Variants in ERICH5 observed in about 807,000 individuals in gnomAD.
The protein encoded by ERICH5 is glutamate rich 5, also known as glutamate-rich protein 5.
Under a neutral mutation model 28.0 loss-of-function variants are expected in ERICH5, and 24 were observed. That is an observed-to-expected ratio of 0.86 (90% CI 0.62 to 1.21). The LOEUF (loss-of-function observed/expected upper bound fraction) is 1.21. Among genes scored for constraint, ERICH5 ranks in the 50% most tolerant of loss-of-function variants. ERICH5 has a pLI of 0.00. For synonymous variants in ERICH5, 163 were observed against 157.6 expected, an observed-to-expected ratio of 1.03 and a Z score of -0.25; for missense variants, 421 against 441.2, an observed-to-expected ratio of 0.95 and a Z score of 0.41.
At chr8:98,088,887 T>A (rs59714888) in intron 1 of ERICH5, among the ~76,000 whole-genome samples, 189 bp from the exon 2 acceptor site, 3 of 152,002 alleles carry the variant, frequency 2.0e-5, no homozygotes, top group Non-Finnish European at 2.9e-5. Flanking sequence ...ATGTTTGAGC[T>A]GAAGACAATA....
At chr8:98,079,320 G>A (rs895959275) in intron 1 of ERICH5, among the ~76,000 whole-genome samples, 9 of 151,408 alleles carry the variant, frequency 5.9e-5, no homozygotes, top group South Asian at 2.1e-4. Flanking sequence ...ACAGGTGCAT[G>A]CCACCATGCC....
In ERICH5 at chr8:98,089,576, C is replaced by A. The variant is rs767828530; in HGVS notation, c.559C>A (p.Pro187Thr). 1.2e-6 allele frequency: 2 copies of A among 1,614,030 alleles called. No individual in the cohort carries two copies. Among genetic ancestry groups the A allele is most frequent in the African/African-American group, 1.3e-5 (1 of 74,920 alleles). Reference protein sequence around the residue: ...ENPQTAAEMKPLGTTENVLTL... With the variant: ...ENPQTAAEMKTLGTTENVLTL... Reference sequence around the variant, plus strand: ...TCCACAAACTGCTGCAGAGATGAAGCCTCTAGGAACAACTGAGAACGTTCT... The same window carrying A: ...TCCACAAACTGCTGCAGAGATGAAGACTCTAGGAACAACTGAGAACGTTCT... The change falls in exon 2 of 3, where the codon CCT becomes ACT. Residue 187 changes from proline (P) to threonine (T), a missense_variant. Physicochemically the swap from Pro to Thr is conservative, Grantham distance 38 (BLOSUM62 -1). Coordinates refer to ENST00000318528, the MANE Select transcript of ERICH5 (RefSeq NM_173549.3).
At chr8:98,065,930 A>G (rs1814812426) in intron 1 of ERICH5, among the ~76,000 whole-genome samples, 1 of 152,186 alleles carries the variant, frequency 6.6e-6, no homozygotes, top group African/African-American at 2.4e-5. Context: ...CTAGTCAGAA[A>G]TATGTTGTGT....
chr8:98,075,762 A>AGTG (rs1247634182), intron 1 of ERICH5, among the ~76,000 whole-genome samples: 5 of 134,180 alleles, frequency 3.7e-5, no homozygotes, highest in African/African-American at 8.6e-5. Context: ...CTAACTGCTA[A>AGTG]CTCCCATCTC....
At chr8:98,071,521 G>A (rs549717894) in intron 1 of ERICH5, among the ~76,000 whole-genome samples, 2 of 151,998 alleles carry the variant, frequency 1.3e-5, no homozygotes, top group Admixed American at 6.6e-5. Flanking sequence ...CTCTGTTGCC[G>A]AGGCTGGAGT....
chr8:98,074,162 G>T (rs1201495977), intron 1 of ERICH5, among the ~76,000 whole-genome samples: 1 of 151,796 alleles, frequency 6.6e-6, no homozygotes, highest in East Asian at 1.9e-4. Flanking sequence ...CTCCCAAAGT[G>T]CTGGGATTAT....
intron 2 of ERICH5, among the ~76,000 whole-genome samples, chr8:98,092,027 C>CCTTCCTTCCTTCCTTCCTTCCTTCCTTTT (rs1815419146): frequency 2.1e-5 from 3 of 145,114 alleles, no homozygotes; most frequent in Admixed American, 7.1e-5. Context: ...TCCTTCCTTT[C>CCTTCCTTCCTTCCTTCCTTCCTTCCTTTT]GAGACAAGAT....
At chr8:98,076,073 GGAGTC>G (rs1815047835) in intron 1 of ERICH5, among the ~76,000 whole-genome samples, 1 of 85,102 alleles carries the variant, frequency 1.2e-5, no homozygotes, top group East Asian at 3.7e-4. Context: ...TTTGTGAGAT[GGAGTC>G]TCTCTCTCTC....
chr8:98,093,530 C>G lies in ERICH5; in HGVS notation c.*197C>G, dbSNP rs73701241. Reference sequence around the variant, plus strand: ...TTCTGCAAAACTGCTAAGCCATGAACAGTTTTCTTAGCTACTTAGAATGGT... The same window carrying G: ...TTCTGCAAAACTGCTAAGCCATGAAGAGTTTTCTTAGCTACTTAGAATGGT... On this transcript the variant is annotated 3_prime_UTR_variant, in exon 3 of 3. Transcript: ENST00000318528. 2,869 of 417,658 alleles carry G rather than the reference C, an allele frequency of 6.9e-3. 71 individuals carry two copies. The highest frequency in any genetic ancestry group is 0.054 in the African/African-American group (2,649 of 49,148). 25.9% of individuals were successfully genotyped at this position (417,658 alleles called of 1,614,324 possible). A position where few individuals can be genotyped will look rare whatever the true frequency, so the allele number is the denominator to read the frequency against.
chr8:98,091,920 C>CTTTCTTT (rs1815408893), intron 2 of ERICH5, among the ~76,000 whole-genome samples: 10 of 26,754 alleles, frequency 3.7e-4, no homozygotes, highest in South Asian at 1.5e-3. Context: ...TTTCTTTCTT[C>CTTTCTTT]CTTTCTTTCT....
intron 1 of ERICH5, among the ~76,000 whole-genome samples, chr8:98,079,153 CTTTTTTTTTTTCCTTTTTTTT>C (rs1815120357): frequency 3.8e-5 from 5 of 132,406 alleles, no homozygotes; most frequent in Non-Finnish European, 3.1e-5. Context: ...ACATTTTCCT[CTTTTTTTTTTTCCTTTTTTTT>C]TTTTTTTTTT....
At chr8:98,085,790 T>G (rs535520566) in intron 1 of ERICH5, among the ~76,000 whole-genome samples, 1 of 152,310 alleles carries the variant, frequency 6.6e-6, no homozygotes, top group South Asian at 2.1e-4. Context: ...TCCTGAGTCC[T>G]CCAGGCTTCC....
chr8:98,080,143 C>T (rs1038292623), intron 1 of ERICH5, among the ~76,000 whole-genome samples: 3 of 152,312 alleles, frequency 2.0e-5, no homozygotes, highest in East Asian at 1.9e-4. Flanking sequence ...TACAGCTGTG[C>T]GCTGTGTCCC....
At chr8:98,075,661 A>G (rs148340771) in intron 1 of ERICH5, among the ~76,000 whole-genome samples, 2 of 151,326 alleles carry the variant, frequency 1.3e-5, no homozygotes, top group East Asian at 3.9e-4. Context: ...TTCAGGGTGC[A>G]CAGAGCCCCC....
At chr8:98,074,831 T>C (rs1361366406) in intron 1 of ERICH5, among the ~76,000 whole-genome samples, 1 of 152,254 alleles carries the variant, frequency 6.6e-6, no homozygotes, top group African/African-American at 2.4e-5. Context: ...ACATGATTAC[T>C]AACTAAAGTC....
intron 1 of ERICH5, among the ~76,000 whole-genome samples, chr8:98,075,984 G>A (rs1040355399): frequency 6.6e-6 from 1 of 151,692 alleles, no homozygotes; most frequent in Non-Finnish European, 1.5e-5. Context: ...GACCGAACCT[G>A]GCAAGCAGCC....
chr8:98,066,728 A>G (rs1814825395), intron 1 of ERICH5, among the ~76,000 whole-genome samples: 2 of 152,296 alleles, frequency 1.3e-5, no homozygotes, highest in Admixed American at 6.5e-5. Context: ...CAACAGGTCT[A>G]TTTGCTTCTA....
chr8:98,086,704 AC>A (rs1185061973), intron 1 of ERICH5, among the ~76,000 whole-genome samples: 1 of 152,150 alleles, frequency 6.6e-6, no homozygotes, highest in African/African-American at 2.4e-5. Flanking sequence ...TAATCCCAGC[AC>A]TTTGGGAGGC....
chr8:98,074,878 G>A (rs1473538919), intron 1 of ERICH5, among the ~76,000 whole-genome samples: 1 of 152,092 alleles, frequency 6.6e-6, no homozygotes, highest in Non-Finnish European at 1.5e-5. Context: ...TTTCTCTAAT[G>A]TCCTGTTTCA....
Sources: gnomAD v4.1 joint callset for allele counts (sites outside exome capture counted in the v4.1 genomes callset) on GRCh38, gnomAD v4.1.1 for gene constraint, MANE v1.5 for transcripts, NCBI Gene and HGNC (gene_info 2026-07-23, HGNC 2026-07-21) for gene names.